TOMM34: variants seen among roughly 807,000 people sequenced by gnomAD.
TOMM34 encodes the protein translocase of outer mitochondrial membrane 34.
In TOMM34, 24 loss-of-function variants were observed where a neutral mutation model predicts 37.4. The observed-to-expected ratio is 0.64, with a 90% confidence interval of 0.46 to 0.90. The LOEUF (loss-of-function observed/expected upper bound fraction) is 0.90, where lower values mean the gene tolerates loss of function less well. TOMM34 is among the 40% of genes least tolerant of loss of function. TOMM34 has a pLI of 0.00. For missense variants in TOMM34, 304 were observed against 375.6 expected, an observed-to-expected ratio of 0.81 and a Z score of 1.58; for synonymous variants, 154 against 148.9, an observed-to-expected ratio of 1.03 and a Z score of -0.25.
intron 1 of TOMM34, 130 bp downstream of exon 1, chr20:44,960,077 T>C (rs2067111930): frequency 5.1e-6 from 6 of 1,166,426 alleles, no homozygotes; most frequent in Non-Finnish European, 6.8e-6. Flanking sequence ...TCTGGTAGGA[T>C]GCCGGAGTCG....
chr20:44,952,222 C>T (rs577352965), intron 3 of TOMM34, among the ~76,000 whole-genome samples: 1 of 152,340 alleles, frequency 6.6e-6, no homozygotes, highest in East Asian at 1.9e-4. Context: ...CTTGGTCAAA[C>T]TATGTTACCT....
chr20:44,957,547 G>T (rs2067084858), intron 1 of TOMM34, among the ~76,000 whole-genome samples: 1 of 152,174 alleles, frequency 6.6e-6, no homozygotes, highest in African/African-American at 2.4e-5. Flanking sequence ...ATTTTAAAAA[G>T]AATTGAAAAC....
rs1207749675 is a variant in TOMM34, at chr20:44,955,239, A to G, written c.228-19T>C. ...CAGTGCTCTAGAATAGGAGGCAAAA[A>G]TGTCAACTGGCTGGCTGCTGAGCCA... On this transcript the variant is annotated intron_variant, in intron 2 of 6. Coordinates refer to ENST00000372813, the MANE Select transcript of TOMM34 (RefSeq NM_006809.5). 3.1e-6 allele frequency: 5 copies of G among 1,610,264 alleles called. No homozygotes were observed. The highest frequency in any genetic ancestry group is 2.7e-5 in the African/African-American group (2 of 74,746).
intron 5 of TOMM34, among the ~76,000 whole-genome samples, chr20:44,946,430 CAAGT>C (rs1031973047): frequency 2.6e-5 from 4 of 152,192 alleles, no homozygotes; most frequent in Non-Finnish European, 5.9e-5. Context: ...GGAAATAACA[CAAGT>C]GAGTGAAAGG....
intron 3 of TOMM34, among the ~76,000 whole-genome samples, chr20:44,953,916 G>A (rs1406432651): frequency 6.6e-6 from 1 of 152,138 alleles, no homozygotes; most frequent in East Asian, 1.9e-4. Flanking sequence ...TTTTCATAAA[G>A]GCTGACTTGC....
chr20:44,958,569 C>T (rs1484531277), intron 1 of TOMM34: 1 of 307,826 alleles, frequency 3.2e-6, no homozygotes, highest in Non-Finnish European at 6.7e-6. Flanking sequence ...TGGAAGGGTT[C>T]ATTGTGTTAG....
At position 44,943,397 on chromosome 20, in the gene TOMM34, A is replaced by C. The variant is rs2066952506; in HGVS notation, c.825+56T>G. The C allele has an allele frequency of 1.9e-6, 3 of 1,612,134 alleles. No individual in the cohort carries two copies. In the Admixed American group the frequency reaches 5.0e-5, roughly 27 times the overall value. On this transcript the variant is annotated intron_variant, in intron 6 of 6. Coordinates refer to ENST00000372813, the MANE Select transcript of TOMM34 (RefSeq NM_006809.5). ...TTGGCTACACCCTGTAAATGGTGACACTGGCATAAATCTCTGTAGCTATGT... is the reference window on the plus strand; with the variant it reads ...TTGGCTACACCCTGTAAATGGTGACCCTGGCATAAATCTCTGTAGCTATGT...
At chr20:44,958,076 A>ATATATATG (rs1286715225) in intron 1 of TOMM34, among the ~76,000 whole-genome samples, 1 of 150,080 alleles carries the variant, frequency 6.7e-6, no homozygotes, top group African/African-American at 2.5e-5. Flanking sequence ...CTACATTTAC[A>ATATATATG]TATATATGTA....
Position 44,943,211 on chromosome 20 carries a change from G to A in TOMM34, c.828C>T (p.Asp276=). The A allele has an allele frequency of 6.2e-7, 1 of 1,614,076 alleles. No individual in the cohort carries two copies. Among genetic ancestry groups the A allele is most frequent in the Non-Finnish European group, 8.5e-7 (1 of 1,179,984 alleles). The change falls in exon 7 of 7, where the codon GAC becomes GAT. Residue 276 remains aspartate (D), a splice_region_variant and synonymous_variant. Transcript: ENST00000372813. ...TGATGTCTGCAAAGCTGGATTTATA[G>A]TCCTAATAGAAGAAAAGACAGGAGT... ...RRAQAHKALK[D]YKSSFADISN...
Position 44,951,979 on chromosome 20 carries a change from G to A in TOMM34, c.404C>T (p.Ser135Leu), listed in dbSNP as rs746372728. 6.2e-6 allele frequency: 10 copies of A among 1,612,190 alleles called. No homozygotes were observed. The highest frequency in any genetic ancestry group is 7.6e-6 in the Non-Finnish European group (9 of 1,179,262). ...INRMTRALMD[S>L]LGPEWRLKLP... is the part of the protein sequence containing the mutation. ...CTTCAGGCGCCACTCAGGCCCAAGC[G>A]AGTCCATGAGAGCTCTGGTCATTCT... Residue 135 changes from serine (S) to leucine (L), a missense_variant, in exon 4 of 7, where the codon TCG becomes TTG. Ser to Leu is a moderately radical substitution (Grantham distance 145). Transcript: ENST00000372813.
At chr20:44,946,019 A>G (rs1167476260) in intron 5 of TOMM34, among the ~76,000 whole-genome samples, 1 of 152,006 alleles carries the variant, frequency 6.6e-6, no homozygotes, top group East Asian at 1.9e-4. Context: ...CACCATGCCC[A>G]GCTAACTTTT....
At chr20:44,946,672 C>T (rs1039527133) in intron 5 of TOMM34, among the ~76,000 whole-genome samples, 1 of 152,118 alleles carries the variant, frequency 6.6e-6, no homozygotes, top group Non-Finnish European at 1.5e-5. Flanking sequence ...ACAAAGGGAG[C>T]CAAAGTAAGC....
intron 4 of TOMM34, among the ~76,000 whole-genome samples, chr20:44,950,698 C>T (rs1370816116): frequency 6.6e-6 from 1 of 152,218 alleles, no homozygotes; most frequent in African/African-American, 2.4e-5. Context: ...GAACACTTAC[C>T]AGGCTCCCAC....
Position 44,942,974 on chromosome 20 carries a change from G to A in TOMM34, c.*135C>T. ...AAGCAAAGCCTCTTACAGGGTGGGAGGCCATCAAGGGATTGAGGAGGGGGC... is the reference window on the plus strand; with the variant it reads ...AAGCAAAGCCTCTTACAGGGTGGGAAGCCATCAAGGGATTGAGGAGGGGGC... On this transcript the variant is annotated 3_prime_UTR_variant, in exon 7 of 7. Coordinates refer to ENST00000372813, the MANE Select transcript of TOMM34 (RefSeq NM_006809.5). 2 of 728,174 alleles carry A rather than the reference G, an allele frequency of 2.7e-6. No individual in the cohort carries two copies. The highest frequency in any genetic ancestry group is 1.7e-5 in the South Asian group (1 of 58,098). The allele number at this position is 728,174 out of a possible 1,614,324, so 45.1% of individuals were successfully genotyped here. A position where few individuals can be genotyped will look rare whatever the true frequency, so the allele number is the denominator to read the frequency against.
At chr20:44,944,756 A>G (rs1040259052) in intron 5 of TOMM34, among the ~76,000 whole-genome samples, 5 of 152,230 alleles carry the variant, frequency 3.3e-5, no homozygotes, top group African/African-American at 1.2e-4. Flanking sequence ...AAAAAGCTGA[A>G]TAGTTATTGA....
rs140502462 is a variant in TOMM34 at position 44,952,902 on chromosome 20, C to T, written c.381-900G>A. Among the ~76,000 whole-genome samples the T allele has an allele frequency of 4.2e-3, 632 of 152,224 alleles. 6 individuals are homozygous for T. Among genetic ancestry groups the T allele is most frequent in the Middle Eastern group, 6.8e-3 (2 of 294 alleles). Reference sequence around the variant, plus strand: ...GCGGCCAAGCTATTTCAAACCTCTGCTCTCCTCAAACCTGTTCCCTGGCCC... The same window carrying T: ...GCGGCCAAGCTATTTCAAACCTCTGTTCTCCTCAAACCTGTTCCCTGGCCC... On this transcript the variant is annotated intron_variant, in intron 3 of 6. Transcript: ENST00000372813.
At chr20:44,955,441 T>G in intron 2 of TOMM34, 1 of 660,274 alleles carries the variant, frequency 1.5e-6, no homozygotes, top group South Asian at 1.5e-5. Flanking sequence ...TTGTTAAATG[T>G]GTGTGCACAT....
In TOMM34 at chr20:44,953,800, A is replaced by G. The variant is rs78033116; in HGVS notation, c.380+1268T>C. Among the ~76,000 whole-genome samples, 1,467 of 152,244 alleles carry G rather than the reference A, an allele frequency of 9.6e-3. 25 individuals carry two copies. Among genetic ancestry groups the G allele is most frequent in the African/African-American group, 0.034 (1,414 of 41,524 alleles). On this transcript the variant is annotated intron_variant, in intron 3 of 6. Transcript: ENST00000372813. ...TCCACCCTCTCCCCTGGATTGCTGC[A>G]TGACTCCTTTCTATTCTGTTGCCCT...
chr20:44,953,364 AATGATGTCTC>A (rs2067043012), intron 3 of TOMM34, among the ~76,000 whole-genome samples: 2 of 152,120 alleles, frequency 1.3e-5, no homozygotes, highest in Non-Finnish European at 2.9e-5. Context: ...ACCTGACACT[AATGATGTCTC>A]CATCTTTCTT....
Sources: allele counts gnomAD v4.1 joint callset (sites outside exome capture counted in the v4.1 genomes callset), GRCh38; gene constraint gnomAD v4.1.1; transcripts MANE v1.5; gene names NCBI Gene and HGNC (gene_info 2026-07-23, HGNC 2026-07-21).